Variants in CCT3 observed in about 807,000 individuals in gnomAD.
The protein encoded by CCT3 is T-complex protein 1 subunit gamma.
In CCT3, 10 loss-of-function variants were observed where a neutral mutation model predicts 65.3. The ratio of observed to expected loss-of-function variants is 0.15; its 90% CI spans 0.09 to 0.26. The LOEUF (loss-of-function observed/expected upper bound fraction) is 0.26, where lower values mean the gene tolerates loss of function less well. Among genes scored for constraint, CCT3 ranks in the 10% least tolerant of loss-of-function variants. The probability of loss-of-function intolerance (pLI) is 1.00; values close to 1 mark genes in which losing one functional copy is unlikely to be tolerated. For missense variants in CCT3, 626 were observed against 708.7 expected, an observed-to-expected ratio of 0.88 and a Z score of 1.33; for synonymous variants, 225 against 242.3, an observed-to-expected ratio of 0.93 and a Z score of 0.66.
chr1:156,317,731 C>T (rs1178518353), intron 8 of CCT3, among the ~76,000 whole-genome samples, 184 bp from the exon 9 acceptor site: 1 of 148,286 alleles, frequency 6.7e-6, no homozygotes, highest in African/African-American at 2.5e-5. Context: ...TTTTTTGAGA[C>T]GGAATCTTGC....
intron 5 of CCT3, among the ~76,000 whole-genome samples, chr1:156,331,833 A>G (rs1020386291): frequency 1.3e-5 from 2 of 151,880 alleles, no homozygotes; most frequent in African/African-American, 4.8e-5. Flanking sequence ...CGGGAGTTCG[A>G]CACCAGCCTG....
At position 156,318,896 on chromosome 1, in the gene CCT3, GA is replaced by G. The variant is rs1558266913; in HGVS notation, c.730del (p.Ser244LeufsTer42). ...KNPRIVLLDSSLEYKKGESQT... is the reference protein window; with the variant it reads ...KNPRIVLLDSXLEYKKGESQT... ...GCTTTCTCCTTTCTTGTATTCCAGA[GA>G]AGAATCCAGCAGCACAATGCGAGGG... On this transcript the variant is annotated frameshift_variant, in exon 8 of 14. Transcript: ENST00000295688. LOFTEE classifies it high-confidence loss of function. The G allele has an allele frequency of 6.2e-7, 1 of 1,613,996 alleles. No homozygotes were observed. Among genetic ancestry groups the G allele is most frequent in the Non-Finnish European group, 8.5e-7 (1 of 1,179,998 alleles).
chr1:156,332,358 T>C (rs1665138067), intron 5 of CCT3, among the ~76,000 whole-genome samples: 1 of 152,240 alleles, frequency 6.6e-6, no homozygotes. Context: ...AAAATTTTAC[T>C]ATCATCTTGA....
chr1:156,337,811 A>C (rs1481287449), intron 1 of CCT3: 4 of 373,526 alleles, frequency 1.1e-5, no homozygotes, highest in South Asian at 5.3e-5. Flanking sequence ...ACAAAAAAAA[A>C]CGTTATTCGT....
At chr1:156,315,698 T>C (rs1431995691) in intron 10 of CCT3, among the ~76,000 whole-genome samples, 2 of 152,108 alleles carry the variant, frequency 1.3e-5, no homozygotes, top group African/African-American at 4.8e-5. Flanking sequence ...GGGGACTGAT[T>C]CCCCTAACCC....
At chr1:156,330,128 T>C (rs1183412252) in intron 5 of CCT3, among the ~76,000 whole-genome samples, 1 of 152,178 alleles carries the variant, frequency 6.6e-6, no homozygotes, top group African/African-American at 2.4e-5. Context: ...CTCTAGATGA[T>C]TCAACTGAAA....
Position 156,317,498 on chromosome 1 carries a change from A to G in CCT3, c.809T>C (p.Met270Thr). ...REEDFTRILQ[M>T]EEEYIQQLCE... ...GAGCTGCTGGATGTACTCTTCCTCC[A>G]TCTGGAGAATTCGGGTGAAGTCCTC... is the stretch of plus-strand genomic sequence containing the variant. The change falls in exon 9 of 14, where the codon ATG becomes ACG. Residue 270 changes from methionine (M) to threonine (T), a missense_variant. Transcript: ENST00000295688. 1.2e-6 allele frequency: 2 copies of G among 1,613,908 alleles called. No homozygotes were observed. Among genetic ancestry groups the G allele is most frequent in the Non-Finnish European group, 1.7e-6 (2 of 1,179,816 alleles).
In CCT3 at chr1:156,317,168, A is replaced by G. The variant is rs1177445361; in HGVS notation, c.972T>C (p.Ala324=). The G allele has an allele frequency of 6.2e-7, 1 of 1,613,824 alleles. No individual in the cohort carries two copies. The highest frequency in any genetic ancestry group is 1.1e-5 in the South Asian group (1 of 91,070). The stretch of plus-strand genomic sequence containing the variant: ...TTGTTTTTACCTGGCCTACTCACCT[A>G]GCAATGCGATTATTGTCTGTCTTCC... ...RVRKTDNNRI[A]RACGARIVSR... The change falls in exon 10 of 14, where the codon GCT becomes GCC. Residue 324 remains alanine (A), a splice_region_variant and synonymous_variant. Coordinates refer to ENST00000295688, the MANE Select transcript of CCT3 (RefSeq NM_005998.5).
Position 156,317,763 on chromosome 1 carries a change from T to C in CCT3, c.760-216A>G, listed in dbSNP as rs185762711. Among the ~76,000 whole-genome samples the C allele has an allele frequency of 7.5e-3, 1,139 of 151,490 alleles. 20 individuals carry two copies. Among genetic ancestry groups the C allele is most frequent in the African/African-American group, 0.025 (1,046 of 41,256 alleles). On this transcript the variant is annotated intron_variant, in intron 8 of 13. Transcript: ENST00000295688. ...TTGCTCTGTCACCCAGGCTGGAGTG[T>C]AATGGCGCGATCTTGGCTCACTGCA...
At chr1:156,332,885 C>G (rs940056958) in intron 5 of CCT3, 1 of 152,464 alleles carries the variant, frequency 6.6e-6, no homozygotes, top group African/African-American at 2.4e-5. Flanking sequence ...GTCTTGAAGA[C>G]AAACACATAC....
At chr1:156,315,034 C>G (rs1006072069) in intron 10 of CCT3, among the ~76,000 whole-genome samples, 5 of 152,158 alleles carry the variant, frequency 3.3e-5, no homozygotes, top group African/African-American at 1.2e-4. Context: ...TTGAGTTACA[C>G]TGAGTGTGCC....
chr1:156,318,037 A>C (rs1345947507), intron 8 of CCT3, among the ~76,000 whole-genome samples: 1 of 151,914 alleles, frequency 6.6e-6, no homozygotes, highest in Non-Finnish European at 1.5e-5. Flanking sequence ...ATTATAAAAC[A>C]ACCAGAACTG....
intron 5 of CCT3, among the ~76,000 whole-genome samples, chr1:156,327,283 C>G (rs1216134844): frequency 2.6e-5 from 4 of 152,186 alleles, no homozygotes; most frequent in African/African-American, 9.6e-5. Context: ...CCCCTCTCCC[C>G]TCTCCCTCTC....
chr1:156,312,245 G>GA, intron 10 of CCT3, 24 bp from the exon 11 acceptor site: 4 of 1,606,250 alleles, frequency 2.5e-6, no homozygotes, highest in Non-Finnish European at 3.4e-6. Flanking sequence ...GAGGTGGGGA[G>GA]AATCAGATGA....
chr1:156,323,097 G>C lies in CCT3; in HGVS notation c.422+1875C>G, dbSNP rs1664634675. Among the ~76,000 whole-genome samples the C allele has an allele frequency of 1.3e-5, 2 of 151,890 alleles. 1 individual carries two copies. Among genetic ancestry groups the C allele is most frequent in the South Asian group, 4.2e-4 (2 of 4,814 alleles). ...CAAGGTGGGTGGATCACCTGAGGTTGAAAGTTTGAGACCAGCCTGACCAAC... is the reference window on the plus strand; with the variant it reads ...CAAGGTGGGTGGATCACCTGAGGTTCAAAGTTTGAGACCAGCCTGACCAAC... On this transcript the variant is annotated intron_variant, in intron 6 of 13. Transcript: ENST00000295688.
intron 5 of CCT3, among the ~76,000 whole-genome samples, chr1:156,330,400 G>A (rs189691676): frequency 5.8e-4 from 89 of 152,242 alleles, no homozygotes; most frequent in African/African-American, 1.4e-3. Context: ...TATGGCTCAC[G>A]CCTGTAATCC....
At position 156,335,865 on chromosome 1, in the gene CCT3, C is replaced by T. The variant is rs774318770; in HGVS notation, c.55G>A (p.Gly19Arg). 3.7e-6 allele frequency: 6 copies of T among 1,614,048 alleles called. No homozygotes were observed. Among genetic ancestry groups the T allele is most frequent in the South Asian group, 1.1e-5 (1 of 91,076 alleles). Reference protein sequence around the residue: ...VLSQNTKRESGRKVQSGNINA... With the variant: ...VLSQNTKRESRRKVQSGNINA... ...ATGTTTCCAGATTGAACTTTTCTTC[C>T]GGATTCACGCTTTGTGTTCTGGCCT... The change falls in exon 2 of 14, where the codon GGA (glycine) becomes AGA (arginine). Residue 19 changes from glycine to arginine, a missense_variant. Coordinates refer to ENST00000295688, the MANE Select transcript of CCT3 (RefSeq NM_005998.5).
intron 1 of CCT3, among the ~76,000 whole-genome samples, chr1:156,336,268 A>T (rs1665347874): frequency 7.1e-6 from 1 of 140,006 alleles, no homozygotes; most frequent in African/African-American, 2.6e-5. Context: ...TGAGAAAATG[A>T]GAGATACTGC....
chr1:156,320,280 G>T (rs1247392649), intron 7 of CCT3, among the ~76,000 whole-genome samples: 1 of 152,036 alleles, frequency 6.6e-6, no homozygotes, highest in Admixed American at 6.6e-5. Flanking sequence ...GTGGTGGCAG[G>T]CATCTGTAAT....
Sources: allele counts gnomAD v4.1 joint callset (sites outside exome capture counted in the v4.1 genomes callset), GRCh38; gene constraint gnomAD v4.1.1; transcripts MANE v1.5; gene names NCBI Gene and HGNC (gene_info 2026-07-23, HGNC 2026-07-21).